Variants in ATRIP observed in about 807,000 individuals in gnomAD.
ATRIP encodes ATR-interacting protein.
ATRIP carries 44 observed loss-of-function variants against 78.1 expected under a neutral mutation model. The observed-to-expected ratio is 0.56, with a 90% CI of 0.44 to 0.72. The LOEUF is 0.72. Among genes scored for constraint, ATRIP ranks in the 30% least tolerant of loss-of-function variants. The pLI is 0.00. For synonymous variants in ATRIP, 388 were observed against 408.9 expected, an observed-to-expected ratio of 0.95 and a Z score of 0.62; for missense variants, 927 against 980.2, an observed-to-expected ratio of 0.95 and a Z score of 0.72.
Position 48,459,808 on chromosome 3 carries a change from TCCTG to T in ATRIP, c.948_951del (p.Leu317SerfsTer4), listed in dbSNP as rs1560106118. 1 of 1,612,760 alleles carries T rather than the reference TCCTG, an allele frequency of 6.2e-7. No homozygotes were observed. The highest frequency in any genetic ancestry group is 8.5e-7 in the Non-Finnish European group (1 of 1,179,640). On this transcript the variant is annotated frameshift_variant, in exon 7 of 13. Coordinates refer to ENST00000320211, the MANE Select transcript of ATRIP (RefSeq NM_130384.3). LOFTEE classifies it high-confidence loss of function. ...GCAGGTTCCATTTTGATAAACCTGC[TCCTG>T]AAGCAGCCTTTGATCCCAGGGTCAT...
chr3:48,447,074 G>A lies in ATRIP; in HGVS notation c.229G>A (p.Ala77Thr), dbSNP rs372906254. 11 of 1,561,218 alleles carry A rather than the reference G, an allele frequency of 7.0e-6. No homozygotes were observed. The highest frequency in any genetic ancestry group is 9.5e-6 in the Non-Finnish European group (11 of 1,157,018). ...ASQALSQCPA[A>T]ARDVSSDHKV... is the part of the protein sequence containing the mutation. The stretch of plus-strand genomic sequence containing the variant: ...ACAGGCCCTGAGCCAATGTCCGGCC[G>A]CGGCTCGGGACGTGTCCAGTGAGTG... The change falls in exon 1 of 13, where the codon GCG (alanine) becomes ACG (threonine). Residue 77 changes from alanine to threonine, a missense_variant. Coordinates refer to ENST00000320211, the MANE Select transcript of ATRIP (RefSeq NM_130384.3).
chr3:48,460,686 C>T lies in ATRIP; in HGVS notation c.1632C>T (p.His544=), dbSNP rs2040081356. Residue 544 remains histidine (H), a synonymous_variant, in exon 8 of 13, where the codon CAC becomes CAT. Transcript: ENST00000320211. ...GQHPLLKMLL[H]LLAFSSAATG... is the part of the protein sequence containing the mutation. ...ACCCACTGTTGAAGATGCTTCTTCA[C>T]CTGTTGGCTTTCTCTTCTGCAGCAA... The T allele has an allele frequency of 1.2e-6, 2 of 1,614,128 alleles. No homozygotes were observed. The highest frequency in any genetic ancestry group is 1.7e-6 in the Non-Finnish European group (2 of 1,179,954).
rs577357315 is a variant in ATRIP at position 48,456,894 on chromosome 3, A to G, written c.672-365A>G. Among the ~76,000 whole-genome samples the G allele has an allele frequency of 6.6e-5, 10 of 152,300 alleles. No homozygotes were observed. In the South Asian group the frequency reaches 1.7e-3, roughly 25 times the overall value. On this transcript the variant is annotated intron_variant, in intron 4 of 12. Transcript: ENST00000320211. ...ATAAAAATGAGTAAAAGAATTTTCA[A>G]TAATTTGGATCAAAATCCCTGGAAT...
chr3:48,463,808 G>A lies in ATRIP; in HGVS notation c.1809G>A (p.Val603=), dbSNP rs771109943. The change falls in exon 9 of 13, where the codon GTG becomes GTA. Residue 603 remains valine, a synonymous_variant. Transcript: ENST00000320211. ...GCCCAGAGACACCCCTGCCTAGCGT[G>A]CTGCTGGCTGTTGAGCTCCTCTCCC... ...CLSPETPLPS[V]LLAVELLSLL... The A allele has an allele frequency of 6.2e-7, 1 of 1,614,156 alleles. No homozygotes were observed. Among genetic ancestry groups the A allele is most frequent in the South Asian group, 1.1e-5 (1 of 91,082 alleles).
chr3:48,465,163 C>A, intron 12 of ATRIP, 80 bp downstream of exon 12: 2 of 1,538,906 alleles, frequency 1.3e-6, no homozygotes, highest in South Asian at 1.2e-5. Context: ...TCCTGGGTGT[C>A]CCCTCAGCAG....
chr3:48,463,865 GCT>G lies in ATRIP; in HGVS notation c.1869_1870del (p.Cys624PhefsTer20). 6.2e-7 allele frequency: 1 copy of G among 1,614,126 alleles called. No homozygotes were observed. The highest frequency in any genetic ancestry group is 8.5e-7 in the Non-Finnish European group (1 of 1,180,034). ...LADHDQLAPQ[L>X]CSHSEGCLLL... ...CGGACCACGACCAGCTGGCACCTCA[GCT>G]CTGTTCCCACTCAGGTAAAGCAGGG... On this transcript the variant is annotated frameshift_variant, in exon 9 of 13. Coordinates refer to ENST00000320211, the MANE Select transcript of ATRIP (RefSeq NM_130384.3). LOFTEE classifies it high-confidence loss of function.
chr3:48,461,993 A>T (rs760617544), intron 8 of ATRIP, among the ~76,000 whole-genome samples: 2 of 151,722 alleles, frequency 1.3e-5, no homozygotes, highest in South Asian at 2.1e-4. Context: ...GGCGTGAGCC[A>T]CCGGGCCCAG....
chr3:48,452,027 A>T, intron 3 of ATRIP, 128 bp downstream of exon 3: 3 of 900,244 alleles, frequency 3.3e-6, no homozygotes, highest in Admixed American at 5.5e-5. Context: ...CTATCATCTC[A>T]TTGCCATCCA....
At position 48,464,742 on chromosome 3, in the gene ATRIP, C is replaced by A. The variant is rs113217170; in HGVS notation, c.2055+80C>A. 73 of 1,607,764 alleles carry A rather than the reference C, an allele frequency of 4.5e-5. 3 individuals are homozygous for A. In the African/African-American group the frequency reaches 5.6e-4, roughly 12 times the overall value. ...AAGGACTGTAGGCCCCACTGCAAAC[C>A]CCCTCACGTGAGGTGGCTAGGCTGA... On this transcript the variant is annotated intron_variant, in intron 11 of 12. Coordinates refer to ENST00000320211, the MANE Select transcript of ATRIP (RefSeq NM_130384.3).
At position 48,464,149 on chromosome 3, in the gene ATRIP, C is replaced by G. The variant is rs138467436; in HGVS notation, c.1974+17C>G. On this transcript the variant is annotated intron_variant, in intron 10 of 12. Coordinates refer to ENST00000320211, the MANE Select transcript of ATRIP (RefSeq NM_130384.3). ...GAACAAGAGGTAAAAACTCCAGAGC[C>G]CCTTCTGGACACTGTCCCCACCCCA... is the stretch of plus-strand genomic sequence containing the variant. 7.6e-6 allele frequency: 12 copies of G among 1,580,814 alleles called. No homozygotes were observed. The highest frequency in any genetic ancestry group is 1.0e-5 in the Non-Finnish European group (12 of 1,150,190).
chr3:48,459,289 G>T, intron 5 of ATRIP, 70 bp from the exon 6 acceptor site: 1 of 1,284,242 alleles, frequency 7.8e-7, no homozygotes, highest in East Asian at 2.3e-5. Context: ...TAAACTCATT[G>T]CATGTAAAAG....
Position 48,450,049 on chromosome 3 carries a change from T to A in ATRIP, c.260T>A (p.Val87Asp). 6.2e-7 allele frequency: 1 copy of A among 1,612,966 alleles called. No homozygotes were observed. The highest frequency in any genetic ancestry group is 8.5e-7 in the Non-Finnish European group (1 of 1,179,732). ...AARDVSSDHK[V>D]HRLLDGMSKN... ...CTATTTTTTACAGGTGATCATAAGG[T>A]CCACAGATTATTAGATGGCATGTCA... Residue 87 changes from valine to aspartate, a missense_variant, in exon 2 of 13, where the codon GTC (valine) becomes GAC (aspartate). By Grantham distance (152) the Val-to-Asp change is radical. Coordinates refer to ENST00000320211, the MANE Select transcript of ATRIP (RefSeq NM_130384.3).
At chr3:48,462,165 C>G (rs565124915) in intron 8 of ATRIP, among the ~76,000 whole-genome samples, 1 of 151,620 alleles carries the variant, frequency 6.6e-6, no homozygotes, top group East Asian at 1.9e-4. Flanking sequence ...CCCAGCTCTA[C>G]AATTTTTTTT....
chr3:48,460,854 G>A (rs2040086632), intron 8 of ATRIP, 55 bp downstream of exon 8: 6 of 1,478,854 alleles, frequency 4.1e-6, no homozygotes, highest in Non-Finnish European at 4.6e-6. Flanking sequence ...GACCTCTTAA[G>A]GTCTAACCCA....
rs1053507575 is a variant in ATRIP, at chr3:48,460,110, T to C, written c.1056T>C (p.Ser352=). The change falls in exon 8 of 13, where the codon AGT becomes AGC. Residue 352 remains serine, a splice_region_variant and synonymous_variant. Coordinates refer to ENST00000320211, the MANE Select transcript of ATRIP (RefSeq NM_130384.3). ...TATTTTTCTTTGTGTTTGTTGCCAG[T>C]ACCTTGGCTGGAATGTCAGGCCTCA... ...GTPLQPPGFG[S]TLAGMSGLRT... 2 of 1,608,504 alleles carry C rather than the reference T, an allele frequency of 1.2e-6. No homozygotes were observed. The highest frequency in any genetic ancestry group is 2.7e-5 in the African/African-American group (2 of 74,708).
At position 48,459,790 on chromosome 3, in the gene ATRIP, C is replaced by T. The variant is rs1265977995; in HGVS notation, c.929C>T (p.Ser310Phe). ...AGAGTCATCTTGTCTTCTGCAGGTT[C>T]CATTTTGATAAACCTGCTCCTGAAG... ...SWRQRSNTQGSILINLLLKQP... is the reference protein window; with the variant it reads ...SWRQRSNTQGFILINLLLKQP... Residue 310 changes from serine (S) to phenylalanine (F), a missense_variant, in exon 7 of 13, where the codon TCC (serine) becomes TTC (phenylalanine). Coordinates refer to ENST00000320211, the MANE Select transcript of ATRIP (RefSeq NM_130384.3). 1.2e-6 allele frequency: 2 copies of T among 1,610,550 alleles called. No individual in the cohort carries two copies. The highest frequency in any genetic ancestry group is 1.7e-6 in the Non-Finnish European group (2 of 1,179,088).
At chr3:48,452,888 T>C (rs912838980) in intron 3 of ATRIP, among the ~76,000 whole-genome samples, 35 of 149,632 alleles carry the variant, frequency 2.3e-4, no homozygotes, top group African/African-American at 8.4e-4. Flanking sequence ...TTTTTTTTTT[T>C]TTTTTTTGAG....
intron 8 of ATRIP, among the ~76,000 whole-genome samples, chr3:48,461,166 T>C (rs1386193855): frequency 6.6e-6 from 1 of 152,192 alleles, no homozygotes; most frequent in Non-Finnish European, 1.5e-5. Flanking sequence ...TTTAGTGGTT[T>C]CCCTAAGGAA....
In ATRIP at chr3:48,467,345, G is replaced by C. The variant is rs55691060; in HGVS notation, c.*1791G>C. On this transcript the variant is annotated 3_prime_UTR_variant, in exon 13 of 13. Transcript: ENST00000320211. ...ACGCCAGGCCTTTCGGCACCATCAG[G>C]CCCATGTATGGGGTCACAGCCTCTG... 9.9e-6 allele frequency: 16 copies of C among 1,614,144 alleles called. No homozygotes were observed. Among genetic ancestry groups the C allele is most frequent in the Non-Finnish European group, 1.4e-5 (16 of 1,180,018 alleles).
Sources: gnomAD v4.1 joint callset for allele counts (sites outside exome capture counted in the v4.1 genomes callset) on GRCh38, gnomAD v4.1.1 for gene constraint, MANE v1.5 for transcripts, NCBI Gene and HGNC (gene_info 2026-07-23, HGNC 2026-07-21) for gene names.